Variants in ARHGAP15 observed in about 807,000 individuals in gnomAD.
The protein encoded by ARHGAP15 is Rho GTPase activating protein 15, also known as rho GTPase-activating protein 15.
ARHGAP15 carries 51 observed loss-of-function variants against 63.7 expected under a neutral mutation model. The ratio of observed to expected loss-of-function variants is 0.80; its 90% confidence interval spans 0.64 to 1.01. The LOEUF is 1.01. Among genes scored for constraint, ARHGAP15 ranks in the 50% least tolerant of loss-of-function variants. ARHGAP15 has a pLI of 0.00. For synonymous variants in ARHGAP15, 191 were observed against 193.8 expected (o/e 0.99, Z 0.12); for missense variants, 560 against 564.6 (o/e 0.99, Z 0.08).
At chr2:143,501,048 C>A (rs1452680186) in intron 9 of ARHGAP15, among the ~76,000 whole-genome samples, 1 of 152,150 alleles carries the variant, frequency 6.6e-6, no homozygotes, top group Non-Finnish European at 1.5e-5. Flanking sequence ...AAAGATGGAG[C>A]TGAAAGAGGC....
intron 6 of ARHGAP15, among the ~76,000 whole-genome samples, chr2:143,405,737 A>C (rs1388196649): frequency 6.6e-6 from 1 of 151,866 alleles, no homozygotes; most frequent in Non-Finnish European, 1.5e-5. Flanking sequence ...CATACACTTG[A>C]CTACATACAA....
chr2:143,466,523 T>C (rs1222463812), intron 8 of ARHGAP15, among the ~76,000 whole-genome samples: 1 of 152,116 alleles, frequency 6.6e-6, no homozygotes, highest in Non-Finnish European at 1.5e-5. Flanking sequence ...ATAATGGGCT[T>C]TGTCTTCTGG....
At chr2:143,262,535 ATTT>A (rs67267617) in intron 6 of ARHGAP15, among the ~76,000 whole-genome samples, 15 of 90,908 alleles carry the variant, frequency 1.7e-4, no homozygotes, top group Admixed American at 3.7e-4. Flanking sequence ...TGAACCTTTG[ATTT>A]TTTTTTTTTT....
chr2:143,261,979 A>C (rs1040045966), intron 6 of ARHGAP15, among the ~76,000 whole-genome samples: 3 of 152,092 alleles, frequency 2.0e-5, no homozygotes, highest in African/African-American at 7.2e-5. Flanking sequence ...GGTGGGGATA[A>C]TGTCTTTAGA....
intron 13 of ARHGAP15, among the ~76,000 whole-genome samples, chr2:143,714,564 C>G (rs1243067960): frequency 6.6e-6 from 1 of 152,250 alleles, no homozygotes. Context: ...TACTCATTAT[C>G]AGGCTGCAAA....
intron 12 of ARHGAP15, among the ~76,000 whole-genome samples, chr2:143,677,239 TG>T (rs1328718935): frequency 6.6e-6 from 1 of 152,262 alleles, no homozygotes; most frequent in Non-Finnish European, 1.5e-5. Flanking sequence ...CAGGGATTTA[TG>T]TGTGGTGAAC....
intron 13 of ARHGAP15, among the ~76,000 whole-genome samples, chr2:143,722,137 TTAA>T (rs1685087540): frequency 6.6e-6 from 1 of 152,220 alleles, no homozygotes; most frequent in Admixed American, 6.5e-5. Flanking sequence ...TTGTGACTTC[TTAA>T]TGACAGAATT....
At chr2:143,238,268 A>G (rs940877183) in intron 5 of ARHGAP15, 10 of 151,634 alleles carry the variant, frequency 6.6e-5, no homozygotes, top group African/African-American at 2.4e-4. Context: ...AACTTTCAGA[A>G]TGGGAGACAA....
intron 6 of ARHGAP15, among the ~76,000 whole-genome samples, chr2:143,397,976 AC>A (rs1189501865): frequency 2.6e-5 from 4 of 151,428 alleles, no homozygotes; most frequent in African/African-American, 7.3e-5. Context: ...CTCATCATTA[AC>A]TCCTCTCTGC....
intron 12 of ARHGAP15, among the ~76,000 whole-genome samples, chr2:143,672,334 A>ATGAC (rs1682568788): frequency 6.6e-6 from 1 of 152,228 alleles, no homozygotes; most frequent in Non-Finnish European, 1.5e-5. Flanking sequence ...ACACACATAA[A>ATGAC]TGACAGACAA....
chr2:143,673,214 T>C (rs905388198), intron 12 of ARHGAP15, among the ~76,000 whole-genome samples: 1 of 152,182 alleles, frequency 6.6e-6, no homozygotes, highest in African/African-American at 2.4e-5. Flanking sequence ...TTCAATTCTA[T>C]ATAGCATCTA....
chr2:143,198,402 C>T (rs1435363793), intron 2 of ARHGAP15, among the ~76,000 whole-genome samples: 1 of 151,824 alleles, frequency 6.6e-6, no homozygotes, highest in Non-Finnish European at 1.5e-5. Flanking sequence ...CATTCACTTG[C>T]TATGTTTGTG....
At chr2:143,304,869 C>A (rs1683093329) in intron 6 of ARHGAP15, among the ~76,000 whole-genome samples, 1 of 151,994 alleles carries the variant, frequency 6.6e-6, no homozygotes. Context: ...TGCTTTTATA[C>A]TGTTGGTGGG....
At chr2:143,450,138 T>G (rs1690343706) in intron 8 of ARHGAP15, among the ~76,000 whole-genome samples, 3 of 150,732 alleles carry the variant, frequency 2.0e-5, no homozygotes, top group Admixed American at 6.6e-5. Context: ...CTGGGTTTGT[T>G]ACTGAGGTTT....
At position 143,363,674 on chromosome 2, in the gene ARHGAP15, A is replaced by G. The variant is rs540361815; in HGVS notation, c.475-71927A>G. Among the ~76,000 whole-genome samples the G allele has an allele frequency of 1.2e-4, 19 of 152,262 alleles. No homozygotes were observed. In the East Asian group the frequency reaches 3.7e-3, roughly 29 times the overall value. ...TCTATATACCACCTATCATTATCAC[A>G]TATTTCTCTGCATATCACCTATCAT... On this transcript the variant is annotated intron_variant, in intron 6 of 13. Coordinates refer to ENST00000295095, the MANE Select transcript of ARHGAP15 (RefSeq NM_018460.4).
chr2:143,481,257 C>T (rs1692068053), intron 8 of ARHGAP15, among the ~76,000 whole-genome samples: 1 of 152,104 alleles, frequency 6.6e-6, no homozygotes, highest in Non-Finnish European at 1.5e-5. Context: ...TCTACCTACA[C>T]TGATGTTGAT....
intron 2 of ARHGAP15, among the ~76,000 whole-genome samples, chr2:143,169,608 A>G (rs1002120599): frequency 6.6e-6 from 1 of 152,022 alleles, no homozygotes; most frequent in African/African-American, 2.4e-5. Flanking sequence ...GCTGATTCCC[A>G]AAGACACTAA....
chr2:143,347,814 AT>A (rs11351121), intron 6 of ARHGAP15, among the ~76,000 whole-genome samples: 109,677 of 140,404 alleles, frequency 0.78, 42,528 homozygotes, highest in East Asian at 0.88. Context: ...TGACTTCGTG[AT>A]TTTTTTTTTT....
At chr2:143,661,475 G>A (rs1379021912) in intron 12 of ARHGAP15, among the ~76,000 whole-genome samples, 5 of 152,124 alleles carry the variant, frequency 3.3e-5, no homozygotes, top group Non-Finnish European at 5.9e-5. Context: ...AGAGACAAGG[G>A]TACAAAAAAA....
Sources: allele counts gnomAD v4.1 joint callset (sites outside exome capture counted in the v4.1 genomes callset), GRCh38; gene constraint gnomAD v4.1.1; transcripts MANE v1.5; gene names NCBI Gene and HGNC (gene_info 2026-07-23, HGNC 2026-07-21).